SNTG1: variants seen among roughly 807,000 people sequenced by gnomAD.
SNTG1 encodes the protein gamma-1-syntrophin.
Under a neutral mutation model 74.7 loss-of-function variants are expected in SNTG1, and 39 were observed. The observed-to-expected ratio is 0.52, with a 90% CI of 0.40 to 0.68. SNTG1 has a LOEUF of 0.68. Ranked by LOEUF, SNTG1 falls within the 30% of genes least tolerant of loss-of-function variation. The pLI is 0.00. For synonymous variants in SNTG1, 254 were observed against 217.1 expected (o/e 1.17, Z -1.49); for missense variants, 685 against 609.5 (o/e 1.12, Z -1.30).
chr8:50,425,516 C>T (rs2093152329), intron 4 of SNTG1, among the ~76,000 whole-genome samples: 1 of 152,070 alleles, frequency 6.6e-6, no homozygotes, highest in South Asian at 2.1e-4. Flanking sequence ...ACTGATTCTA[C>T]ATTATGGTGA....
intron 1 of SNTG1, among the ~76,000 whole-genome samples, chr8:50,155,461 A>G (rs980131439): frequency 6.6e-6 from 1 of 151,206 alleles, no homozygotes; most frequent in Non-Finnish European, 1.5e-5. Context: ...ACAGTTATAG[A>G]AAAAAAAATG....
rs904331528 is a variant in SNTG1, at chr8:49,951,634, G to A, written c.-103+39403G>A. Among the ~76,000 whole-genome samples the A allele has an allele frequency of 6.6e-5, 10 of 151,460 alleles. No individual in the cohort carries two copies. The East Asian group carries it at 7.8e-4, about 12-fold the overall frequency. ...GGGGTGGGGGGAGCGGGGAGGGATAGCATTGGGAGATATACCTAAGGCTAG... is the reference window on the plus strand; with the variant it reads ...GGGGTGGGGGGAGCGGGGAGGGATAACATTGGGAGATATACCTAAGGCTAG... On this transcript the variant is annotated intron_variant, in intron 1 of 18. Coordinates refer to ENST00000642720, the MANE Select transcript of SNTG1 (RefSeq NM_018967.5).
intron 12 of SNTG1, among the ~76,000 whole-genome samples, chr8:50,586,208 T>A (rs745796990): frequency 6.6e-6 from 1 of 152,220 alleles, no homozygotes; most frequent in Non-Finnish European, 1.5e-5. Context: ...CAAAGGGAAT[T>A]CAAGCTTACT....
intron 15 of SNTG1, among the ~76,000 whole-genome samples, chr8:50,687,618 C>T (rs372684636): frequency 2.6e-5 from 4 of 152,306 alleles, no homozygotes; most frequent in Non-Finnish European, 4.4e-5. Context: ...ATGTGCACAA[C>T]GTGCACGTTT....
chr8:50,664,088 G>T (rs2095238872), intron 15 of SNTG1, among the ~76,000 whole-genome samples: 1 of 152,066 alleles, frequency 6.6e-6, no homozygotes, highest in African/African-American at 2.4e-5. Flanking sequence ...CAAAATTTAG[G>T]ATCAACAATT....
At chr8:50,732,702 A>T (rs1025191410) in intron 17 of SNTG1, among the ~76,000 whole-genome samples, 2 of 151,892 alleles carry the variant, frequency 1.3e-5, no homozygotes, top group Non-Finnish European at 2.9e-5. Flanking sequence ...TTACAACGTC[A>T]TCAACAATGT....
chr8:50,104,238 A>T (rs1433292630), intron 1 of SNTG1, among the ~76,000 whole-genome samples: 1 of 152,050 alleles, frequency 6.6e-6, no homozygotes, highest in Non-Finnish European at 1.5e-5. Flanking sequence ...ACAATTTCAG[A>T]GCCTGTTATT....
At chr8:50,429,386 A>T (rs76210935) in intron 4 of SNTG1, among the ~76,000 whole-genome samples, 3,811 of 152,274 alleles carry the variant, frequency 0.025, 66 homozygotes, top group South Asian at 0.08. Flanking sequence ...ATGAAGAAAG[A>T]ACTGTCTTTT....
intron 2 of SNTG1, among the ~76,000 whole-genome samples, chr8:50,309,980 CTA>C (rs2090044793): frequency 6.6e-6 from 1 of 152,190 alleles, no homozygotes; most frequent in African/African-American, 2.4e-5. Flanking sequence ...AATTCAGTGT[CTA>C]TGTGCGTAAA....
intron 1 of SNTG1, among the ~76,000 whole-genome samples, chr8:50,081,922 C>T (rs1487921216): frequency 1.3e-5 from 2 of 152,192 alleles, no homozygotes; most frequent in African/African-American, 2.4e-5. Context: ...TGAGCCATTG[C>T]ACCCAGCCTA....
chr8:50,092,609 C>T (rs1196311898), intron 1 of SNTG1, among the ~76,000 whole-genome samples: 1 of 152,162 alleles, frequency 6.6e-6, no homozygotes, highest in African/African-American at 2.4e-5. Context: ...ACCCCATTTT[C>T]CCTCTCTTCT....
chr8:49,930,186 A>G (rs993982664), intron 1 of SNTG1, among the ~76,000 whole-genome samples: 1 of 152,102 alleles, frequency 6.6e-6, no homozygotes, highest in Admixed American at 6.6e-5. Flanking sequence ...AAGGTTATCA[A>G]ATTTTGAATT....
chr8:50,702,549 G>C (rs896426107), intron 15 of SNTG1, among the ~76,000 whole-genome samples: 6 of 152,106 alleles, frequency 3.9e-5, no homozygotes, highest in African/African-American at 1.4e-4. Context: ...CTAACATTTT[G>C]GGTGTTTAAT....
chr8:50,443,393 A>C (rs2093376408), intron 5 of SNTG1, among the ~76,000 whole-genome samples: 1 of 152,306 alleles, frequency 6.6e-6, no homozygotes, highest in African/African-American at 2.4e-5. Context: ...ATCTATGTCC[A>C]TTAAATAAAT....
At chr8:50,755,003 T>C (rs891801959) in intron 18 of SNTG1, among the ~76,000 whole-genome samples, 3 of 151,744 alleles carry the variant, frequency 2.0e-5, no homozygotes, top group Non-Finnish European at 4.4e-5. Flanking sequence ...GGTACAAAAA[T>C]TTCCTGTATA....
At chr8:50,512,933 A>G (rs138415352) in intron 9 of SNTG1, among the ~76,000 whole-genome samples, 3,734 of 152,158 alleles carry the variant, frequency 0.025, 140 homozygotes, top group African/African-American at 0.081. Context: ...GTCATTCTCA[A>G]TCCAGCTTTG....
chr8:50,305,870 A>G (rs1188574366), intron 2 of SNTG1, among the ~76,000 whole-genome samples: 1 of 151,486 alleles, frequency 6.6e-6, no homozygotes, highest in Admixed American at 6.6e-5. Context: ...CAACATTGCC[A>G]AAAGTTATAC....
rs577745627 is a variant in SNTG1 at position 50,598,034 on chromosome 8, C to G, written c.849+7117C>G. On this transcript the variant is annotated intron_variant, in intron 13 of 18. Transcript: ENST00000642720. ...GATGAGCAGAAGTTTTTTGTTTGTT[C>G]GTTTGTTTGTTTTTGTTTTTTGTTT... Among the ~76,000 whole-genome samples, 13 of 150,758 alleles carry G rather than the reference C, an allele frequency of 8.6e-5. No individual in the cohort carries two copies. In the East Asian group the frequency reaches 2.5e-3, roughly 29 times the overall value.
At chr8:50,197,760 T>C (rs2083832803) in intron 2 of SNTG1, among the ~76,000 whole-genome samples, 1 of 152,194 alleles carries the variant, frequency 6.6e-6, no homozygotes, top group South Asian at 2.1e-4. Flanking sequence ...TGGAACATGG[T>C]GTTATGCAGG....
Sources: gnomAD v4.1 joint callset for allele counts (sites outside exome capture counted in the v4.1 genomes callset) on GRCh38, gnomAD v4.1.1 for gene constraint, MANE v1.5 for transcripts, NCBI Gene and HGNC (gene_info 2026-07-23, HGNC 2026-07-21) for gene names.